FBN2: variants seen among roughly 807,000 people sequenced by gnomAD.
FBN2 encodes the protein fibrillin-2.
A neutral mutation model predicts 355.6 loss-of-function variants in FBN2; 105 were observed. That is an observed-to-expected ratio of 0.30 (90% CI 0.25 to 0.35). FBN2 has a LOEUF of 0.35. Ranked by LOEUF, FBN2 falls within the 10% of genes least tolerant of loss-of-function variation. The pLI, the probability that FBN2 is intolerant of heterozygous loss-of-function variation, is 1.00. For missense variants in FBN2, 3,280 were observed against 3,758.7 expected, an observed-to-expected ratio of 0.87 and a Z score of 3.33; for synonymous variants, 1,350 against 1,301.2, an observed-to-expected ratio of 1.04 and a Z score of -0.81.
intron 27 of FBN2, among the ~76,000 whole-genome samples, chr5:128,337,403 G>A (rs949665474): frequency 6.6e-6 from 1 of 152,196 alleles, no homozygotes; most frequent in African/African-American, 2.4e-5. Context: ...CTAAAACAAA[G>A]TTTTAAAGCC....
chr5:128,400,068 T>C (rs1752757453), intron 8 of FBN2, among the ~76,000 whole-genome samples: 1 of 151,898 alleles, frequency 6.6e-6, no homozygotes, highest in African/African-American at 2.4e-5. Context: ...ATAGGCTGTT[T>C]AAAAGAAATG....
intron 6 of FBN2, among the ~76,000 whole-genome samples, chr5:128,457,579 A>C (rs1333848477): frequency 6.6e-6 from 1 of 152,230 alleles, no homozygotes; most frequent in Non-Finnish European, 1.5e-5. Context: ...TTCAAAGGGA[A>C]GCACATCAGA....
intron 7 of FBN2, among the ~76,000 whole-genome samples, chr5:128,437,692 G>T (rs767050854): frequency 7.2e-5 from 11 of 151,872 alleles, no homozygotes; most frequent in Non-Finnish European, 1.6e-4. Context: ...ACAATATTAT[G>T]CACCTGAAAG....
rs924828171 is a variant in FBN2, at chr5:128,279,643, C to T, written c.7138+549G>A. 2.6e-5 allele frequency among the ~76,000 whole-genome samples: 4 copies of T among 152,044 alleles called. 1 individual carries two copies. Among genetic ancestry groups the T allele is most frequent in the African/African-American group, 9.6e-5 (4 of 41,498 alleles). The stretch of plus-strand genomic sequence containing the variant: ...TTAGCGCTCTTATTTCTTTGTTTAC[C>T]TTGAATTTTACTACAGCACACTTTT... On this transcript the variant is annotated intron_variant, in intron 56 of 64. Transcript: ENST00000262464.
intron 2 of FBN2, 111 bp downstream of exon 2, chr5:128,536,291 G>T (rs907737351): frequency 1.2e-6 from 1 of 814,936 alleles, no homozygotes; most frequent in Non-Finnish European, 2.1e-6. Flanking sequence ...AGTGCAATGT[G>T]ATCACTTGAT....
At chr5:128,468,116 T>C (rs1337563246) in intron 5 of FBN2, among the ~76,000 whole-genome samples, 1 of 152,172 alleles carries the variant, frequency 6.6e-6, no homozygotes. Flanking sequence ...TGTCCCAGCC[T>C]CAGTCAACCA....
intron 63 of FBN2, among the ~76,000 whole-genome samples, chr5:128,263,083 C>T (rs1400428164): frequency 6.6e-6 from 1 of 152,240 alleles, no homozygotes; most frequent in Non-Finnish European, 1.5e-5. Flanking sequence ...TTCTACCTCA[C>T]AGCCCAGGTA....
intron 5 of FBN2, among the ~76,000 whole-genome samples, chr5:128,509,487 A>C (rs1300035078): frequency 6.6e-6 from 1 of 152,156 alleles, no homozygotes; most frequent in East Asian, 1.9e-4. Flanking sequence ...TAGGGACATA[A>C]GGAATACCTT....
chr5:128,401,581 G>C (rs1452194556), intron 8 of FBN2, among the ~76,000 whole-genome samples: 1 of 152,098 alleles, frequency 6.6e-6, no homozygotes, highest in Non-Finnish European at 1.5e-5. Flanking sequence ...AGGAGATAGA[G>C]ACCATCCTGG....
intron 15 of FBN2, among the ~76,000 whole-genome samples, chr5:128,371,388 T>G (rs1193133356): frequency 1.3e-5 from 2 of 152,164 alleles, no homozygotes; most frequent in Non-Finnish European, 2.9e-5. Flanking sequence ...TTCCATATGT[T>G]AGCAGACTTC....
intron 36 of FBN2, 70 bp downstream of exon 36, chr5:128,318,079 T>C: frequency 1.3e-6 from 2 of 1,508,514 alleles, no homozygotes; most frequent in Admixed American, 1.7e-5. Flanking sequence ...CTCATCACGG[T>C]TCATTATCAA....
chr5:128,521,518 T>A (rs1358644076), intron 4 of FBN2, among the ~76,000 whole-genome samples: 1 of 152,070 alleles, frequency 6.6e-6, no homozygotes, highest in Non-Finnish European at 1.5e-5. Flanking sequence ...ATCCCAGAAA[T>A]TAAAATACAA....
At chr5:128,508,098 T>C (rs565686495) in intron 5 of FBN2, among the ~76,000 whole-genome samples, 1 of 152,082 alleles carries the variant, frequency 6.6e-6, no homozygotes, top group Non-Finnish European at 1.5e-5. Flanking sequence ...CAGCTTTAAT[T>C]TGATTACTAT....
chr5:128,276,205 C>T, intron 58 of FBN2, 45 bp from the exon 59 acceptor site: 1 of 1,594,828 alleles, frequency 6.3e-7, no homozygotes, highest in Non-Finnish European at 8.6e-7. Context: ...TTAAAAGAAA[C>T]AACCAGACTC....
At chr5:128,525,385 A>C (rs1756536274) in intron 4 of FBN2, among the ~76,000 whole-genome samples, 1 of 152,152 alleles carries the variant, frequency 6.6e-6, no homozygotes, top group East Asian at 1.9e-4. Flanking sequence ...TGTGTTCGTG[A>C]TAGACTTCTG....
At chr5:128,363,927 C>T (rs1046414319) in intron 18 of FBN2, among the ~76,000 whole-genome samples, 4 of 152,186 alleles carry the variant, frequency 2.6e-5, no homozygotes, top group Non-Finnish European at 5.9e-5. Context: ...CTTTTCTAAT[C>T]ATAATCATTA....
chr5:128,287,504 T>C (rs1222375554), intron 53 of FBN2, 74 bp from the exon 54 acceptor site: 1 of 1,555,726 alleles, frequency 6.4e-7, no homozygotes, highest in Admixed American at 1.7e-5. Context: ...GTTGATGTCA[T>C]TTACTTGGCG....
At chr5:128,324,882 G>A (rs1258526254) in intron 34 of FBN2, among the ~76,000 whole-genome samples, 1 of 152,166 alleles carries the variant, frequency 6.6e-6, no homozygotes, top group Non-Finnish European at 1.5e-5. Context: ...GCCTCCCAAA[G>A]TGTTAGGATT....
Position 128,537,559 on chromosome 5 carries a change from C to A in FBN2, c.45G>T (p.Trp15Cys). 1 of 1,603,338 alleles carries A rather than the reference C, an allele frequency of 6.2e-7. No homozygotes were observed. Among genetic ancestry groups the A allele is most frequent in the South Asian group, 1.1e-5 (1 of 89,764 alleles). The change falls in exon 1 of 65, where the codon TGG becomes TGT. Residue 15 changes from tryptophan to cysteine, a missense_variant. By Grantham distance (215) the Trp-to-Cys change is radical. Coordinates refer to ENST00000262464, the MANE Select transcript of FBN2 (RefSeq NM_001999.4). ...RRLCLQLYFL[W>C]LGCVVLWAQG... ...GCGCCCAGAGCACCACACAGCCCAG[C>A]CACAGGAAGTAGAGCTGGAGACACA...
Sources: allele counts gnomAD v4.1 joint callset (sites outside exome capture counted in the v4.1 genomes callset), GRCh38; gene constraint gnomAD v4.1.1; transcripts MANE v1.5; gene names NCBI Gene and HGNC (gene_info 2026-07-23, HGNC 2026-07-21).